RIMBP2: variants seen among roughly 807,000 people sequenced by gnomAD.
The protein encoded by RIMBP2 is RIMS binding protein 2, also known as RIMS-binding protein 2.
Under a neutral mutation model 118.6 loss-of-function variants are expected in RIMBP2, and 48 were observed. The ratio of observed to expected loss-of-function variants is 0.40; its 90% CI spans 0.32 to 0.51. The LOEUF (loss-of-function observed/expected upper bound fraction) is 0.51. Ranked by LOEUF, RIMBP2 falls within the 20% of genes least tolerant of loss-of-function variation. RIMBP2 has a pLI of 0.41. For synonymous variants in RIMBP2, 762 were observed against 742.9 expected, an observed-to-expected ratio of 1.03 and a Z score of -0.42; for missense variants, 1,551 against 1,768.3, an observed-to-expected ratio of 0.88 and a Z score of 2.20.
intron 4 of RIMBP2, among the ~76,000 whole-genome samples, chr12:130,493,691 A>C (rs2048862297): frequency 6.6e-6 from 1 of 152,094 alleles, no homozygotes; most frequent in African/African-American, 2.4e-5. Context: ...GCCCCAGGGA[A>C]CTCAATATAC....
At chr12:130,472,519 C>A (rs189871255) in intron 5 of RIMBP2, among the ~76,000 whole-genome samples, 186 of 152,322 alleles carry the variant, frequency 1.2e-3, no homozygotes, top group African/African-American at 4.2e-3. Flanking sequence ...AAACGTGGAA[C>A]ACTAATAAAG....
At chr12:130,556,565 C>CTGTGAGAAGCTGG (rs2056375345) in intron 2 of RIMBP2, among the ~76,000 whole-genome samples, 1 of 152,234 alleles carries the variant, frequency 6.6e-6, no homozygotes, top group African/African-American at 2.4e-5. Flanking sequence ...AACCAAGCAA[C>CTGTGAGAAGCTGG]TGTGAGAAGC....
At chr12:130,485,782 C>T (rs1454078577) in intron 4 of RIMBP2, among the ~76,000 whole-genome samples, 2 of 152,058 alleles carry the variant, frequency 1.3e-5, no homozygotes, top group Non-Finnish European at 2.9e-5. Context: ...AAAGGGGTGG[C>T]GGATGCTATG....
intron 4 of RIMBP2, among the ~76,000 whole-genome samples, chr12:130,495,128 A>G (rs1366751542): frequency 6.6e-6 from 1 of 152,242 alleles, no homozygotes; most frequent in Non-Finnish European, 1.5e-5. Flanking sequence ...ACATCTGGAC[A>G]GACTCATTTT....
chr12:130,452,719 AAC>A (rs2079101651), intron 7 of RIMBP2, among the ~76,000 whole-genome samples: 1 of 152,214 alleles, frequency 6.6e-6, no homozygotes, highest in Non-Finnish European at 1.5e-5. Context: ...CCAGAGAGGA[AAC>A]ACTGTCCTCC....
At chr12:130,490,123 CA>C (rs35698241) in intron 4 of RIMBP2, among the ~76,000 whole-genome samples, 23,927 of 95,094 alleles carry the variant, frequency 0.25, 1,649 homozygotes, top group South Asian at 0.32. Context: ...GACTCTGTCT[CA>C]AAAAAAAAAA....
intron 4 of RIMBP2, among the ~76,000 whole-genome samples, chr12:130,485,765 T>C (rs531931412): frequency 2.6e-5 from 4 of 152,098 alleles, no homozygotes; most frequent in Admixed American, 6.5e-5. Context: ...TCAGAGTCAC[T>C]GAGGATAAAG....
chr12:130,437,986 G>A (rs551547931), intron 12 of RIMBP2, among the ~76,000 whole-genome samples: 60 of 152,330 alleles, frequency 3.9e-4, no homozygotes, highest in African/African-American at 1.3e-3. Context: ...ACCTGTTCAC[G>A]TGCAGACCCA....
chr12:130,434,362 C>A lies in RIMBP2; in HGVS notation c.2253+372G>T, dbSNP rs1021002195. 6.6e-6 allele frequency among the ~76,000 whole-genome samples: 1 copy of A among 152,178 alleles called. No homozygotes were observed. Among genetic ancestry groups the A allele is most frequent in the Non-Finnish European group, 1.5e-5 (1 of 68,034 alleles). ...TTTGGCTCCCATGATGCCTCCCTAG[C>A]ACACAGATGGCCAACAAACATCTGC... On this transcript the variant is annotated intron_variant, in intron 14 of 22. Transcript: ENST00000690449. The surrounding 1 kb of genome is among the most constrained non-coding windows in gnomAD (Gnocchi z 5.7).
In RIMBP2 at chr12:130,442,513, T is replaced by C. The variant is rs770428350; in HGVS notation, c.839A>G (p.His280Arg). The part of the protein sequence containing the change: ...NHSGIGLEGE[H>R]ILDLHSPTHI... ...GGTTGGGGAGTGGAGGTCCAGGATG[T>C]GCTCTCCCTCCAGGCCGATGCCGGA... is the stretch of plus-strand genomic sequence containing the variant. Residue 280 changes from histidine (H) to arginine (R), a missense_variant, in exon 11 of 23, where the codon CAC becomes CGC. Coordinates refer to ENST00000690449, the MANE Select transcript of RIMBP2 (RefSeq NM_001393629.1). This position sits in a 1 kb window ranked among gnomAD's most constrained non-coding sequence, Gnocchi z 6.9. 25 of 1,614,034 alleles carry C rather than the reference T, an allele frequency of 1.5e-5. No individual in the cohort carries two copies. In the East Asian group the frequency reaches 5.6e-4, roughly 36 times the overall value.
At chr12:130,544,346 T>C (rs573351902) in intron 2 of RIMBP2, among the ~76,000 whole-genome samples, 11 of 152,332 alleles carry the variant, frequency 7.2e-5, no homozygotes, top group African/African-American at 2.6e-4. Flanking sequence ...TGCTGCTTCC[T>C]GGGACAGGAT....
At chr12:130,490,537 G>C (rs1054708358) in intron 4 of RIMBP2, among the ~76,000 whole-genome samples, 1 of 152,162 alleles carries the variant, frequency 6.6e-6, no homozygotes, top group Non-Finnish European at 1.5e-5. Flanking sequence ...TATAAATCGG[G>C]GTACAGGGAG....
chr12:130,711,427 G>A (rs573311438), intron 1 of RIMBP2, among the ~76,000 whole-genome samples: 199 of 152,290 alleles, frequency 1.3e-3, no homozygotes, highest in Middle Eastern at 0.01. Flanking sequence ...GTGACCATGA[G>A]AGTTTGGCCA....
At chr12:130,454,613 T>C (rs2079264962) in intron 7 of RIMBP2, among the ~76,000 whole-genome samples, 1 of 152,276 alleles carries the variant, frequency 6.6e-6, no homozygotes, top group Admixed American at 6.5e-5. Context: ...TTCCAGACAG[T>C]TGTTAAACAG....
At chr12:130,506,840 T>G in intron 3 of RIMBP2, 70 bp from the exon 4 acceptor site, 2 of 969,560 alleles carry the variant, frequency 2.1e-6, no homozygotes, top group Non-Finnish European at 2.5e-6. Context: ...CGTTGCTTCC[T>G]CTTTAGGAGC....
chr12:130,531,583 G>A (rs1791179652), intron 2 of RIMBP2, among the ~76,000 whole-genome samples: 1 of 152,146 alleles, frequency 6.6e-6, no homozygotes, highest in Non-Finnish European at 1.5e-5. Flanking sequence ...TAAACATTAG[G>A]ATGATTCCAG....
chr12:130,421,752 T>C (rs1214853774), intron 17 of RIMBP2, among the ~76,000 whole-genome samples: 6 of 151,146 alleles, frequency 4.0e-5, no homozygotes. Context: ...TCCTCTGTGC[T>C]GATGACCAGC....
chr12:130,506,701 T>A lies in RIMBP2; in HGVS notation c.-57A>T, dbSNP rs1156772146. ...TTGGCTTGGAGCTGGTGTTTCTCCT[T>A]CACGGCCAAATCGCGCTCTCTGGTC... On this transcript the variant is annotated 5_prime_UTR_variant, in exon 4 of 23. Coordinates refer to ENST00000690449, the MANE Select transcript of RIMBP2 (RefSeq NM_001393629.1). The A allele has an allele frequency of 1.0e-6, 1 of 985,622 alleles. No homozygotes were observed. Among genetic ancestry groups the A allele is most frequent in the East Asian group, 1.1e-4 (1 of 8,814 alleles). 61.1% of individuals were successfully genotyped at this position (985,622 alleles called of 1,614,324 possible).
At chr12:130,649,652 A>G (rs1363291361) in intron 1 of RIMBP2, among the ~76,000 whole-genome samples, 2 of 152,126 alleles carry the variant, frequency 1.3e-5, no homozygotes, top group Admixed American at 1.3e-4. Flanking sequence ...ACCCCATGCT[A>G]GGAGGACCAA....
Sources: gnomAD v4.1 joint callset for allele counts (sites outside exome capture counted in the v4.1 genomes callset) on GRCh38, gnomAD v4.1.1 for gene constraint, Gnocchi (gnomAD v3.1) non-coding constraint, MANE v1.5 for transcripts, NCBI Gene and HGNC (gene_info 2026-07-23, HGNC 2026-07-21) for gene names.